TAAR5: variants seen among roughly 807,000 people sequenced by gnomAD.
TAAR5 encodes the protein trace amine associated receptor 5, also known as trace amine-associated receptor 5.
Under a neutral mutation model 21.1 loss-of-function variants are expected in TAAR5, and 27 were observed. The ratio of observed to expected loss-of-function variants is 1.28; its 90% confidence interval spans 0.94 to 1.76. TAAR5 has a LOEUF of 1.76. Ranked by LOEUF, TAAR5 falls within the 40% of genes most tolerant of loss-of-function variation. The pLI is 0.00. For synonymous variants in TAAR5, 203 were observed against 167.5 expected, an observed-to-expected ratio of 1.21 and a Z score of -1.64; for missense variants, 495 against 405.6, an observed-to-expected ratio of 1.22 and a Z score of -1.89.
the TAAR5 span, among the ~76,000 whole-genome samples, chr6:132,614,474 T>G: frequency 6.6e-6 from 1 of 151,888 alleles, no homozygotes; most frequent in Admixed American, 6.5e-5. Context: ...TGATTCTTTA[T>G]AAAATACAAC....
chr6:132,598,223 A>G, the TAAR5 span, among the ~76,000 whole-genome samples: 1 of 152,178 alleles, frequency 6.6e-6, no homozygotes, highest in Non-Finnish European at 1.5e-5. Flanking sequence ...AAGGGAAATT[A>G]TTGGTAAATT....
chr6:132,607,877 T>G, the TAAR5 span, among the ~76,000 whole-genome samples: 12 of 152,000 alleles, frequency 7.9e-5, no homozygotes, highest in Non-Finnish European at 1.6e-4. Context: ...CCTAGAATGG[T>G]ATCAGATAGG....
At chr6:132,601,139 A>AGGAAGGAG in the TAAR5 span, among the ~76,000 whole-genome samples, 1 of 144,352 alleles carries the variant, frequency 6.9e-6, no homozygotes, top group Non-Finnish European at 1.5e-5. Context: ...GAAAGAAGGA[A>AGGAAGGAG]GGAAGGAGGG....
chr6:132,589,043 A>G lies in TAAR5; in HGVS notation c.644T>C (p.Met215Thr). ...FPLFFVPCLIMISLYVKIFVV... is the reference protein window; with the variant it reads ...FPLFFVPCLITISLYVKIFVV... ...AAAGATCTTCACATACAAGCTGATC[A>G]TAATGAGGCAGGGGACAAAGAACAA... Residue 215 changes from methionine (M) to threonine (T), a missense_variant, in exon 1 of 1, where the codon ATG (methionine) becomes ACG (threonine). Physicochemically the swap from Met to Thr is moderately conservative, Grantham distance 81. Coordinates refer to ENST00000258034, the MANE Select transcript of TAAR5 (RefSeq NM_003967.3). 1.9e-6 allele frequency: 3 copies of G among 1,614,144 alleles called. No individual in the cohort carries two copies. Among genetic ancestry groups the G allele is most frequent in the Non-Finnish European group, 1.7e-6 (2 of 1,180,004 alleles).
chr6:132,600,477 C>A, the TAAR5 span, among the ~76,000 whole-genome samples: 1 of 152,114 alleles, frequency 6.6e-6, no homozygotes, highest in Non-Finnish European at 1.5e-5. Context: ...ACTCCCCAAT[C>A]GGCCATGAGG....
chr6:132,602,183 A>G, the TAAR5 span, among the ~76,000 whole-genome samples: 2 of 152,164 alleles, frequency 1.3e-5, no homozygotes, highest in African/African-American at 2.4e-5. Context: ...TTGGAAGACA[A>G]TATTTCCACA....
At chr6:132,616,499 G>T in the TAAR5 span, among the ~76,000 whole-genome samples, 2 of 152,192 alleles carry the variant, frequency 1.3e-5, no homozygotes, top group Non-Finnish European at 2.9e-5. Context: ...CTAACCAGCT[G>T]CTGTGATTAG....
At chr6:132,591,265 A>C (rs946122229), upstream of TAAR5, among the ~76,000 whole-genome samples, 6 of 152,196 alleles carry the variant, frequency 3.9e-5, no homozygotes, top group Non-Finnish European at 7.3e-5. Flanking sequence ...GATATCTTAG[A>C]AGCTGGTATG....
At chr6:132,606,894 G>GA in the TAAR5 span, among the ~76,000 whole-genome samples, 2 of 152,196 alleles carry the variant, frequency 1.3e-5, no homozygotes, top group African/African-American at 4.8e-5. Flanking sequence ...TTGGTCAGGA[G>GA]AAGGGGAACA....
the TAAR5 span, among the ~76,000 whole-genome samples, chr6:132,612,522 T>G: frequency 2.4e-4 from 36 of 152,184 alleles, no homozygotes; most frequent in African/African-American, 8.4e-4. Flanking sequence ...TGTGTAGATA[T>G]AATTTACTGA....
At chr6:132,590,578 G>C (rs1776891711), upstream of TAAR5, among the ~76,000 whole-genome samples, 1 of 152,124 alleles carries the variant, frequency 6.6e-6, no homozygotes, top group South Asian at 2.1e-4. Context: ...CTCTTCTGTT[G>C]GCCACAATGA....
the TAAR5 span, among the ~76,000 whole-genome samples, chr6:132,613,936 A>G: frequency 1.3e-5 from 2 of 152,214 alleles, no homozygotes; most frequent in East Asian, 1.9e-4. Flanking sequence ...AACAATTGCC[A>G]TTGCCACCTA....
chr6:132,596,427 T>C, the TAAR5 span, among the ~76,000 whole-genome samples: 6 of 152,170 alleles, frequency 3.9e-5, no homozygotes, highest in African/African-American at 7.2e-5. Context: ...GGCCTGAGAA[T>C]AGGCTAAAAC....
chr6:132,613,698 C>G, the TAAR5 span, among the ~76,000 whole-genome samples: 1 of 152,190 alleles, frequency 6.6e-6, no homozygotes, highest in African/African-American at 2.4e-5. Context: ...TGGACACATT[C>G]ATTTTAGTAG....
At chr6:132,611,216 G>GC in the TAAR5 span, among the ~76,000 whole-genome samples, 1 of 142,908 alleles carries the variant, frequency 7.0e-6, no homozygotes, top group African/African-American at 2.5e-5. Flanking sequence ...CTAAAAAAAA[G>GC]AAAAAAAAAA....
At chr6:132,593,864 A>G (rs1415178717), upstream of TAAR5, among the ~76,000 whole-genome samples, 1 of 152,212 alleles carries the variant, frequency 6.6e-6, no homozygotes, top group Non-Finnish European at 1.5e-5. Context: ...TTCAGCCAAA[A>G]TCATTACAAT....
At chr6:132,611,485 A>T in the TAAR5 span, among the ~76,000 whole-genome samples, 1 of 152,116 alleles carries the variant, frequency 6.6e-6, no homozygotes, top group Admixed American at 6.6e-5. Flanking sequence ...GATGATGGAT[A>T]CTCCAGTTAC....
chr6:132,601,103 G>A, the TAAR5 span, among the ~76,000 whole-genome samples: 87 of 80,922 alleles, frequency 1.1e-3, no homozygotes, highest in East Asian at 4.9e-3. Flanking sequence ...GAGGGAAGGA[G>A]GGAAGAAGGG....
chr6:132,602,806 A>G, the TAAR5 span, among the ~76,000 whole-genome samples: 1 of 149,940 alleles, frequency 6.7e-6, no homozygotes, highest in Non-Finnish European at 1.5e-5. Flanking sequence ...AGACAATACC[A>G]AAAAAATAAA....
Sources: allele counts gnomAD v4.1 joint callset (sites outside exome capture counted in the v4.1 genomes callset), GRCh38; gene constraint gnomAD v4.1.1; transcripts MANE v1.5; gene names NCBI Gene and HGNC (gene_info 2026-07-23, HGNC 2026-07-21).